Variants in SP4 observed in about 807,000 individuals in gnomAD.
SP4 encodes the protein Sp4 transcription factor.
Under a neutral mutation model 72.8 loss-of-function variants are expected in SP4, and 19 were observed. The observed-to-expected ratio is 0.26, with a 90% confidence interval of 0.18 to 0.38. The LOEUF (loss-of-function observed/expected upper bound fraction) is 0.38. Among genes scored for constraint, SP4 ranks in the 10% least tolerant of loss-of-function variants. The probability of loss-of-function intolerance (pLI) is 1.00; values close to 1 mark genes in which losing one functional copy is unlikely to be tolerated. For synonymous variants in SP4, 395 were observed against 333.1 expected (o/e 1.19, Z -2.02); for missense variants, 1,008 against 926.3 (o/e 1.09, Z -1.14).
chr7:21,457,047 C>G (rs1478796867), intron 3 of SP4, among the ~76,000 whole-genome samples: 1 of 152,200 alleles, frequency 6.6e-6, no homozygotes, highest in African/African-American at 2.4e-5. Context: ...ATAGAGGTAT[C>G]TTACCACTGG....
chr7:21,461,275 G>A (rs988441696), intron 3 of SP4, among the ~76,000 whole-genome samples: 35 of 152,184 alleles, frequency 2.3e-4, no homozygotes, highest in African/African-American at 6.7e-4. Context: ...GACTCAGGCC[G>A]TGCAGGAGCC....
At chr7:21,499,079 C>CAAAAA (rs34565680) in intron 5 of SP4, among the ~76,000 whole-genome samples, 2 of 99,588 alleles carry the variant, frequency 2.0e-5, no homozygotes, top group Non-Finnish European at 4.3e-5. Context: ...GACTCTGTCT[C>CAAAAA]AAAAAAAAAA....
intron 3 of SP4, among the ~76,000 whole-genome samples, chr7:21,458,846 G>A (rs188639409): frequency 6.6e-4 from 101 of 152,044 alleles, no homozygotes; most frequent in African/African-American, 2.4e-3. Context: ...ACACTTGAAT[G>A]TAGAAATCTA....
In SP4 at chr7:21,511,343, C is replaced by T. The variant is rs1782137868; in HGVS notation, c.*74C>T. The T allele has an allele frequency of 7.0e-7, 1 of 1,421,818 alleles. No individual in the cohort carries two copies. The highest frequency in any genetic ancestry group is 9.7e-7 in the Non-Finnish European group (1 of 1,034,232). The allele number at this position is 1,421,818 out of a possible 1,614,324, so 88.1% of individuals were successfully genotyped here. On this transcript the variant is annotated 3_prime_UTR_variant, in exon 6 of 6. Transcript: ENST00000222584. Reference sequence around the variant, plus strand: ...TTTGAAAATCTGGAAATGGGCTGGTCAAGTGGATTACAGAGTAGGAAATTA... The same window carrying T: ...TTTGAAAATCTGGAAATGGGCTGGTTAAGTGGATTACAGAGTAGGAAATTA...
At chr7:21,484,839 T>C (rs571517880) in intron 5 of SP4, among the ~76,000 whole-genome samples, 1 of 151,898 alleles carries the variant, frequency 6.6e-6, no homozygotes, top group Non-Finnish European at 1.5e-5. Flanking sequence ...CACTTGCAGA[T>C]ACACAAAACA....
intron 5 of SP4, among the ~76,000 whole-genome samples, chr7:21,486,256 G>C (rs773600575): frequency 4.6e-5 from 7 of 151,586 alleles, no homozygotes; most frequent in Admixed American, 3.3e-4. Context: ...ACTTAGAGAA[G>C]AGTTGCAAAG....
chr7:21,465,372 A>G (rs1200882444), intron 3 of SP4, among the ~76,000 whole-genome samples: 1 of 152,162 alleles, frequency 6.6e-6, no homozygotes. Context: ...AATATAGCCA[A>G]CCAGAAAAGA....
At chr7:21,438,628 A>G (rs1418016403) in intron 3 of SP4, among the ~76,000 whole-genome samples, 2 of 152,136 alleles carry the variant, frequency 1.3e-5, no homozygotes, top group Non-Finnish European at 2.9e-5. Context: ...TCGGTATAGT[A>G]GTCTCCTCTT....
In SP4 at chr7:21,513,778, A is replaced by T. The variant is rs763611620; in HGVS notation, c.*2509A>T. ...CAATGAGGCCTATTATAAATTTATC[A>T]GATGAATCTAGATAGCTTTATAGCA... On this transcript the variant is annotated 3_prime_UTR_variant, in exon 6 of 6. Transcript: ENST00000222584. 11 of 152,188 alleles carry T rather than the reference A, an allele frequency of 7.2e-5. No individual in the cohort carries two copies. Among genetic ancestry groups the T allele is most frequent in the Non-Finnish European group, 1.5e-4 (10 of 68,010 alleles). The allele number at this position is 152,188 out of a possible 1,614,324, so 9.4% of individuals were successfully genotyped here. A position where few individuals can be genotyped will look rare whatever the true frequency, so the allele number is the denominator to read the frequency against.
Position 21,428,222 on chromosome 7 carries a change from C to A in SP4, c.-30C>A. On this transcript the variant is annotated 5_prime_UTR_variant, in exon 1 of 6. Coordinates refer to ENST00000222584, the MANE Select transcript of SP4 (RefSeq NM_003112.5). The stretch of plus-strand genomic sequence containing the variant: ...CCCACCCACCTCTATCCCAGTGTCT[C>A]CGTCTGAGGGTTTGTCCTGTTAATG... 9.2e-7 allele frequency: 1 copy of A among 1,085,058 alleles called. No individual in the cohort carries two copies. The highest frequency in any genetic ancestry group is 1.3e-6 in the Non-Finnish European group (1 of 787,040). 67.2% of individuals were successfully genotyped at this position (1,085,058 alleles called of 1,614,324 possible).
chr7:21,470,131 C>A (rs1784288679), intron 3 of SP4, among the ~76,000 whole-genome samples: 1 of 152,190 alleles, frequency 6.6e-6, no homozygotes, highest in Admixed American at 6.5e-5. Flanking sequence ...TGTCATTTAG[C>A]AGCCCTGTGA....
At chr7:21,492,269 ACTCC>A (rs1487656544) in intron 5 of SP4, among the ~76,000 whole-genome samples, 1 of 152,328 alleles carries the variant, frequency 6.6e-6, no homozygotes, top group African/African-American at 2.4e-5. Flanking sequence ...GGGTGGAGAT[ACTCC>A]CCTAAATGTC....
chr7:21,482,555 C>T (rs1443037207), intron 5 of SP4: 1 of 523,294 alleles, frequency 1.9e-6, no homozygotes, highest in Non-Finnish European at 2.5e-6. Context: ...TCTAACAACC[C>T]TCAGTCAGAA....
In SP4 at chr7:21,430,204, T is replaced by A; in HGVS notation, c.1039T>A (p.Tyr347Asn). ...TLVSSADTGQYASTSASSSER... is the reference protein window; with the variant it reads ...TLVSSADTGQNASTSASSSER... ...AGTGAGCTCAGCAGATACTGGCCAG[T>A]ATGCAAGCACATCAGCCAGTAGTTC... Residue 347 changes from tyrosine (Y) to asparagine (N), a missense_variant, in exon 3 of 6, where the codon TAT becomes AAT. Transcript: ENST00000222584. 1 of 1,614,186 alleles carries A rather than the reference T, an allele frequency of 6.2e-7. No individual in the cohort carries two copies. Among genetic ancestry groups the A allele is most frequent in the Non-Finnish European group, 8.5e-7 (1 of 1,180,038 alleles).
At position 21,442,005 on chromosome 7, in the gene SP4, T is replaced by TG. The variant is rs1491269076; in HGVS notation, c.1678+11162_1678+11163insG. On this transcript the variant is annotated intron_variant, in intron 3 of 5. Coordinates refer to ENST00000222584, the MANE Select transcript of SP4 (RefSeq NM_003112.5). ...TTATTTCATTTTATGTGTGTGTGTG[T>TG]TTGTGTGTGTGTGTGTGTGTGTGTG... Among the ~76,000 whole-genome samples, 224 of 89,364 alleles carry TG rather than the reference T, an allele frequency of 2.5e-3. 1 individual carries two copies. Among genetic ancestry groups the TG allele is most frequent in the African/African-American group, 0.011 (213 of 20,250 alleles). The allele number at this position is 89,364 out of a possible 152,430, so 58.6% of individuals were successfully genotyped here.
intron 5 of SP4, among the ~76,000 whole-genome samples, chr7:21,489,600 C>T (rs1232520971): frequency 1.4e-5 from 2 of 144,766 alleles, no homozygotes; most frequent in African/African-American, 5.1e-5. Context: ...CGCTCTGTCA[C>T]CCAGGCTGGA....
chr7:21,453,607 T>G (rs971796463), intron 3 of SP4, among the ~76,000 whole-genome samples: 1 of 152,256 alleles, frequency 6.6e-6, no homozygotes, highest in Admixed American at 6.5e-5. Context: ...TTTGCATTGG[T>G]GTACTATTGA....
rs1282376881 is a variant in SP4, at chr7:21,431,846, G to GT, written c.1678+1006dup. ...TATTTTGATAATGTGGGATAAATAA[G>GT]TTTATCACTTTTGAATGATCTTTCT... On this transcript the variant is annotated intron_variant, in intron 3 of 5. Coordinates refer to ENST00000222584, the MANE Select transcript of SP4 (RefSeq NM_003112.5). Among the ~76,000 whole-genome samples the GT allele has an allele frequency of 5.3e-5, 8 of 152,170 alleles. No individual in the cohort carries two copies. In the East Asian group the frequency reaches 1.5e-3, roughly 29 times the overall value.
chr7:21,457,297 C>T (rs1275207818), intron 3 of SP4, among the ~76,000 whole-genome samples: 2 of 152,000 alleles, frequency 1.3e-5, no homozygotes, highest in African/African-American at 4.8e-5. Flanking sequence ...TCTTATTGCC[C>T]CAACTTTCAG....
Sources: gnomAD v4.1 joint callset for allele counts (sites outside exome capture counted in the v4.1 genomes callset) on GRCh38, gnomAD v4.1.1 for gene constraint, MANE v1.5 for transcripts, NCBI Gene and HGNC (gene_info 2026-07-23, HGNC 2026-07-21) for gene names.